CDKAL1: variants seen among roughly 807,000 people sequenced by gnomAD.
CDKAL1 encodes threonylcarbamoyladenosine tRNA methylthiotransferase.
A neutral mutation model predicts 68.2 loss-of-function variants in CDKAL1; 32 were observed. The observed-to-expected ratio is 0.47, with a 90% CI of 0.35 to 0.63. The LOEUF (loss-of-function observed/expected upper bound fraction) is 0.63. Ranked by LOEUF, CDKAL1 falls within the 30% of genes least tolerant of loss-of-function variation. The pLI, the probability that CDKAL1 is intolerant of heterozygous loss-of-function variation, is 0.00. For missense variants in CDKAL1, 606 were observed against 696.7 expected (o/e 0.87, Z 1.47); for synonymous variants, 234 against 244.3 (o/e 0.96, Z 0.39).
intron 4 of CDKAL1, among the ~76,000 whole-genome samples, chr6:20,638,782 C>T (rs1030372903): frequency 1.3e-4 from 18 of 138,648 alleles, no homozygotes; most frequent in Admixed American, 5.0e-4. Flanking sequence ...TACAAACACG[C>T]GCCACCATGC....
At chr6:21,212,592 A>G (rs1779193996) in intron 15 of CDKAL1, among the ~76,000 whole-genome samples, 1 of 152,186 alleles carries the variant, frequency 6.6e-6, no homozygotes, top group South Asian at 2.1e-4. Flanking sequence ...TGGATGTTGC[A>G]TTGTACCTAA....
chr6:20,537,113 C>T (rs1397630578), intron 2 of CDKAL1, among the ~76,000 whole-genome samples: 5 of 152,000 alleles, frequency 3.3e-5, no homozygotes, highest in Admixed American at 2.0e-4. Flanking sequence ...GATCTCGGCT[C>T]ACTGCAAGCT....
chr6:20,958,728 C>G (rs746305233), intron 10 of CDKAL1, among the ~76,000 whole-genome samples: 21 of 152,160 alleles, frequency 1.4e-4, no homozygotes, highest in Admixed American at 4.6e-4. Flanking sequence ...GCAAGGATTT[C>G]TTGAGAATTT....
At chr6:20,595,894 T>C (rs902960139) in intron 4 of CDKAL1, among the ~76,000 whole-genome samples, 6 of 152,160 alleles carry the variant, frequency 3.9e-5, no homozygotes, top group Admixed American at 3.9e-4. Flanking sequence ...TGCTATTCCT[T>C]TCTGTTTGTT....
intron 4 of CDKAL1, among the ~76,000 whole-genome samples, chr6:20,642,056 G>T (rs1175026382): frequency 1.3e-5 from 2 of 152,080 alleles, no homozygotes; most frequent in Non-Finnish European, 2.9e-5. Flanking sequence ...TTTGATACGA[G>T]AATATAGGAT....
At chr6:20,925,458 T>A (rs1581842139) in intron 9 of CDKAL1, among the ~76,000 whole-genome samples, 1 of 152,324 alleles carries the variant, frequency 6.6e-6, no homozygotes, top group African/African-American at 2.4e-5. Context: ...ATGTTAGTGA[T>A]GTTTAGGAAT....
intron 11 of CDKAL1, among the ~76,000 whole-genome samples, chr6:21,011,081 CAAAA>C (rs144955142): frequency 9.0e-5 from 4 of 44,574 alleles, no homozygotes; most frequent in Non-Finnish European, 1.4e-4. Context: ...GTCTCCATCT[CAAAA>C]AAAAAAAAAA....
At chr6:20,973,596 C>T (rs995809183) in intron 10 of CDKAL1, among the ~76,000 whole-genome samples, 1 of 152,110 alleles carries the variant, frequency 6.6e-6, no homozygotes, top group African/African-American at 2.4e-5. Context: ...TCATAAGCAA[C>T]ATGGGTCATC....
chr6:20,744,367 TTGGTTCAGCAAGTACTTACTGAG>T (rs1773578469), intron 6 of CDKAL1, among the ~76,000 whole-genome samples: 1 of 152,170 alleles, frequency 6.6e-6, no homozygotes, highest in Non-Finnish European at 1.5e-5. Flanking sequence ...CATTATTTAT[TTGGTTCAGCAAGTACTTACTGAG>T]TGCCTACTGT....
At chr6:20,943,047 A>G (rs1764062413) in intron 9 of CDKAL1, among the ~76,000 whole-genome samples, 1 of 148,528 alleles carries the variant, frequency 6.7e-6, no homozygotes, top group African/African-American at 2.5e-5. Flanking sequence ...GTCATCTGGT[A>G]CTCTGCTTTT....
At chr6:21,205,977 G>T (rs1778914118) in intron 15 of CDKAL1, among the ~76,000 whole-genome samples, 1 of 150,552 alleles carries the variant, frequency 6.6e-6, no homozygotes, top group Non-Finnish European at 1.5e-5. Flanking sequence ...TGGGACTACA[G>T]GCACCCGCCA....
intron 4 of CDKAL1, among the ~76,000 whole-genome samples, chr6:20,605,412 T>G (rs912039909): frequency 6.6e-6 from 1 of 152,206 alleles, no homozygotes; most frequent in Non-Finnish European, 1.5e-5. Context: ...TATAATAACT[T>G]TTTAATGATT....
chr6:20,955,693 T>G, intron 10 of CDKAL1, 108 bp downstream of exon 10: 1 of 914,440 alleles, frequency 1.1e-6, no homozygotes, highest in Non-Finnish European at 1.6e-6. Context: ...CCTTCACATT[T>G]TTTTTTTGTA....
chr6:20,907,794 G>T (rs1762297057), intron 9 of CDKAL1, among the ~76,000 whole-genome samples: 1 of 152,202 alleles, frequency 6.6e-6, no homozygotes, highest in Non-Finnish European at 1.5e-5. Context: ...GGAATGGGAA[G>T]GTCCTGGAGG....
At chr6:20,707,628 A>C (rs1771661981) in intron 5 of CDKAL1, among the ~76,000 whole-genome samples, 1 of 152,202 alleles carries the variant, frequency 6.6e-6, no homozygotes, top group African/African-American at 2.4e-5. Context: ...GGTGTAAACA[A>C]GGATATGTAG....
chr6:20,975,668 A>G (rs540705188), intron 10 of CDKAL1, among the ~76,000 whole-genome samples: 1 of 152,234 alleles, frequency 6.6e-6, no homozygotes. Context: ...CTGATTCTAC[A>G]GATATTCAAT....
intron 7 of CDKAL1, among the ~76,000 whole-genome samples, chr6:20,776,540 C>T (rs1455148823): frequency 1.3e-5 from 2 of 152,160 alleles, no homozygotes; most frequent in Admixed American, 6.5e-5. Context: ...TCTGAAATGA[C>T]AGGCGATGAA....
chr6:21,127,216 C>G (rs766294734), intron 13 of CDKAL1, among the ~76,000 whole-genome samples: 1 of 152,028 alleles, frequency 6.6e-6, no homozygotes, highest in African/African-American at 2.4e-5. Context: ...GAAGCAGTGG[C>G]GAATGCCCCT....
intron 7 of CDKAL1, among the ~76,000 whole-genome samples, chr6:20,763,273 G>C (rs1774547726): frequency 2.0e-5 from 3 of 152,036 alleles, no homozygotes; most frequent in African/African-American, 7.2e-5. Flanking sequence ...GCTCTTGTCT[G>C]GTGACCCTCC....
Sources: gnomAD v4.1 joint callset for allele counts (sites outside exome capture counted in the v4.1 genomes callset) on GRCh38, gnomAD v4.1.1 for gene constraint, MANE v1.5 for transcripts, NCBI Gene and HGNC (gene_info 2026-07-23, HGNC 2026-07-21) for gene names.